Variants in GSK3B observed in about 807,000 individuals in gnomAD.
GSK3B encodes glycogen synthase kinase-3 beta.
A neutral mutation model predicts 56.4 loss-of-function variants in GSK3B; 15 were observed. The observed-to-expected ratio is 0.27, with a 90% CI of 0.18 to 0.41. The LOEUF (loss-of-function observed/expected upper bound fraction) is 0.41, where lower values mean the gene tolerates loss of function less well. GSK3B is among the 10% of genes least tolerant of loss of function. GSK3B has a pLI of 1.00. For missense variants in GSK3B, 300 were observed against 513.4 expected (o/e 0.58, Z 4.02); for synonymous variants, 181 against 188.9 (o/e 0.96, Z 0.34).
intron 7 of GSK3B, among the ~76,000 whole-genome samples, chr3:119,898,774 CTA>C (rs2056596793): frequency 6.6e-6 from 1 of 152,074 alleles, no homozygotes; most frequent in Non-Finnish European, 1.5e-5. Context: ...AAACTATATA[CTA>C]TGTTTTTCCT....
Position 119,843,254 on chromosome 3 carries a change from C to A in GSK3B, c.1195+1G>T. The A allele has an allele frequency of 6.3e-7, 1 of 1,591,164 alleles. No homozygotes were observed. The highest frequency in any genetic ancestry group is 8.6e-7 in the Non-Finnish European group (1 of 1,161,824). ...ATAGAAGAGACTTAGAACGTTCTTA[C>A]CTGACGCTGCTGTGGCATTTGTGGG... On this transcript the variant is annotated splice_donor_variant, in intron 10 of 10. Transcript: ENST00000264235. LOFTEE classifies it high-confidence loss of function.
At chr3:120,019,475 T>C (rs1347066400) in intron 1 of GSK3B, among the ~76,000 whole-genome samples, 3 of 152,252 alleles carry the variant, frequency 2.0e-5, no homozygotes, top group Non-Finnish European at 4.4e-5. Flanking sequence ...ATTATTTGTG[T>C]GTCAATGAAA....
intron 4 of GSK3B, among the ~76,000 whole-genome samples, chr3:119,920,689 C>T (rs1388339307): frequency 6.6e-6 from 1 of 151,962 alleles, no homozygotes; most frequent in African/African-American, 2.4e-5. Flanking sequence ...ATGTAGGGTG[C>T]TGGGTAGAAT....
intron 1 of GSK3B, among the ~76,000 whole-genome samples, chr3:120,088,079 A>G (rs780053586): frequency 2.0e-5 from 3 of 152,192 alleles, no homozygotes; most frequent in Non-Finnish European, 4.4e-5. Context: ...TTTTTAGTAG[A>G]GACGGGGTTT....
intron 9 of GSK3B, among the ~76,000 whole-genome samples, chr3:119,854,328 T>C (rs1324115178): frequency 6.6e-6 from 1 of 152,214 alleles, no homozygotes; most frequent in Non-Finnish European, 1.5e-5. Flanking sequence ...TGCCAGTATT[T>C]TATTGAAGAT....
chr3:119,892,511 T>C (rs536062416), intron 7 of GSK3B, among the ~76,000 whole-genome samples: 1 of 152,322 alleles, frequency 6.6e-6, no homozygotes, highest in Non-Finnish European at 1.5e-5. Flanking sequence ...TGCCTTTGTA[T>C]TCTGCTCAGA....
chr3:120,084,639 A>G (rs1221201059), intron 1 of GSK3B: 1 of 152,242 alleles, frequency 6.6e-6, no homozygotes, highest in East Asian at 1.9e-4. Context: ...ATCTCTCAAG[A>G]GAACAGGTTT....
chr3:119,914,292 C>A (rs560767782), intron 5 of GSK3B, among the ~76,000 whole-genome samples: 1 of 152,152 alleles, frequency 6.6e-6, no homozygotes, highest in South Asian at 2.1e-4. Flanking sequence ...CAAACTCCAT[C>A]TGACCAAACC....
At chr3:119,990,349 C>T (rs2057553230) in intron 2 of GSK3B, among the ~76,000 whole-genome samples, 1 of 152,172 alleles carries the variant, frequency 6.6e-6, no homozygotes, top group Non-Finnish European at 1.5e-5. Flanking sequence ...CCAATATATA[C>T]TCTTAGTCTG....
intron 3 of GSK3B, among the ~76,000 whole-genome samples, chr3:119,946,689 A>G (rs9843795): frequency 0.062 from 9,417 of 152,232 alleles, 922 homozygotes; most frequent in African/African-American, 0.21. Context: ...AAGAGGTTGG[A>G]AGGAGTTATT....
rs576808674 is a variant in GSK3B, at chr3:119,891,345, G to A, written c.813+14410C>T. Among the ~76,000 whole-genome samples, 6 of 152,034 alleles carry A rather than the reference G, an allele frequency of 3.9e-5. No individual in the cohort carries two copies. The South Asian group carries it at 8.3e-4, about 21-fold the overall frequency. ...GATATGAAGAGCAAAGATTCAGAAC[G>A]CATGACTATCTTTAACACCACAAAC... On this transcript the variant is annotated intron_variant, in intron 7 of 10. Transcript: ENST00000264235.
intron 1 of GSK3B, among the ~76,000 whole-genome samples, chr3:120,017,331 A>C (rs1409110816): frequency 6.6e-6 from 1 of 152,224 alleles, no homozygotes; most frequent in Non-Finnish European, 1.5e-5. Flanking sequence ...TAGATCTCAA[A>C]AAGCTGGTAT....
chr3:119,925,174 C>T (rs1453547567), intron 3 of GSK3B, among the ~76,000 whole-genome samples: 1 of 151,642 alleles, frequency 6.6e-6, no homozygotes, highest in Non-Finnish European at 1.5e-5. Flanking sequence ...ACAAAAAATA[C>T]AAAAATTAGC....
At chr3:120,042,785 T>C (rs1322254769) in intron 1 of GSK3B, among the ~76,000 whole-genome samples, 1 of 152,166 alleles carries the variant, frequency 6.6e-6, no homozygotes, top group African/African-American at 2.4e-5. Context: ...CCACCGTCAT[T>C]AAGGAAGGTT....
At chr3:119,954,822 A>G (rs1453343627) in intron 2 of GSK3B, among the ~76,000 whole-genome samples, 1 of 152,224 alleles carries the variant, frequency 6.6e-6, no homozygotes, top group Non-Finnish European at 1.5e-5. Context: ...TCTGGAAGCT[A>G]AAAGCACAGA....
chr3:119,929,095 T>C (rs1385828928), intron 3 of GSK3B, among the ~76,000 whole-genome samples: 2 of 152,098 alleles, frequency 1.3e-5, no homozygotes, highest in East Asian at 3.8e-4. Flanking sequence ...AGAGATAAGA[T>C]GATATGCAAA....
chr3:119,916,689 T>C (rs1043596895), intron 4 of GSK3B, among the ~76,000 whole-genome samples: 1 of 152,206 alleles, frequency 6.6e-6, no homozygotes, highest in Admixed American at 6.5e-5. Flanking sequence ...AGGTGATTGA[T>C]ACAGTGGTCT....
intron 9 of GSK3B, among the ~76,000 whole-genome samples, chr3:119,850,596 AC>A (rs1333366646): frequency 6.6e-6 from 1 of 152,020 alleles, no homozygotes; most frequent in Non-Finnish European, 1.5e-5. Flanking sequence ...TTTAATCCCA[AC>A]CATTACTACC....
intron 3 of GSK3B, among the ~76,000 whole-genome samples, chr3:119,930,723 C>A (rs1444082499): frequency 6.6e-6 from 1 of 152,148 alleles, no homozygotes; most frequent in African/African-American, 2.4e-5. Context: ...TTGAACAGAA[C>A]TCAAAAAGAA....
Sources: gnomAD v4.1 joint callset for allele counts (sites outside exome capture counted in the v4.1 genomes callset) on GRCh38, gnomAD v4.1.1 for gene constraint, MANE v1.5 for transcripts, NCBI Gene and HGNC (gene_info 2026-07-23, HGNC 2026-07-21) for gene names.